The following AKNA variants were observed in gnomAD, a reference collection of about 807,000 sequenced individuals.
The protein encoded by AKNA is AT-hook transcription factor, also known as microtubule organization protein AKNA.
Under a neutral mutation model 138.8 loss-of-function variants are expected in AKNA, and 67 were observed. The ratio of observed to expected loss-of-function variants is 0.48; its 90% CI spans 0.40 to 0.59. The LOEUF (loss-of-function observed/expected upper bound fraction) is 0.59, where lower values mean the gene tolerates loss of function less well. Among genes scored for constraint, AKNA ranks in the 20% least tolerant of loss-of-function variants. AKNA has a pLI of 0.00. For missense variants in AKNA, 1,813 were observed against 1,880.4 expected (o/e 0.96, Z 0.66); for synonymous variants, 737 against 754.4 (o/e 0.98, Z 0.38).
chr9:114,377,095 C>T lies in AKNA; in HGVS notation c.712G>A (p.Gly238Ser). 6.2e-7 allele frequency: 1 copy of T among 1,614,124 alleles called. No homozygotes were observed. Among genetic ancestry groups the T allele is most frequent in the Non-Finnish European group, 8.5e-7 (1 of 1,179,994 alleles). The change falls in exon 3 of 22, where the codon GGC becomes AGC. Residue 238 changes from glycine (G) to serine (S), a missense_variant. By Grantham distance (56) the Gly-to-Ser change is moderately conservative. Coordinates refer to ENST00000374088, the MANE Select transcript of AKNA (RefSeq NM_001317950.2). ...PTALAETLPE[G>S]PSHHLLSPDG... ...GGGCTTAGGAGGTGGTGGCTGGGGCCCTCTGGCAAGGTTTCTGCCAGGGCA... is the reference window on the plus strand; with the variant it reads ...GGGCTTAGGAGGTGGTGGCTGGGGCTCTCTGGCAAGGTTTCTGCCAGGGCA...
chr9:114,370,347 C>G (rs571666287), intron 4 of AKNA, among the ~76,000 whole-genome samples: 2 of 152,342 alleles, frequency 1.3e-5, no homozygotes, highest in African/African-American at 4.8e-5. Context: ...GAGGCCCAGC[C>G]CTCTGACATG....
At position 114,367,534 on chromosome 9, in the gene AKNA, T is replaced by C. The variant is rs1470679236; in HGVS notation, c.1728+9A>G. ...AGTCTCTCGGGGGCAAAGCTGGGAG[T>C]CCACTCACCTTGGCCAGGAACTGGC... is the stretch of plus-strand genomic sequence containing the variant. On this transcript the variant is annotated intron_variant, in intron 6 of 21. Coordinates refer to ENST00000374088, the MANE Select transcript of AKNA (RefSeq NM_001317950.2). 1.6e-5 allele frequency: 26 copies of C among 1,611,902 alleles called. No homozygotes were observed. Among genetic ancestry groups the C allele is most frequent in the Non-Finnish European group, 2.2e-5 (26 of 1,179,716 alleles).
downstream of AKNA, chr9:114,330,678 C>G: frequency 6.2e-7 from 1 of 1,600,278 alleles, no homozygotes; most frequent in Non-Finnish European, 8.6e-7. Context: ...TGGGTGGAAC[C>G]GGGAGGGTTG....
chr9:114,361,185 C>T (rs1213295015), intron 9 of AKNA, among the ~76,000 whole-genome samples: 1 of 152,216 alleles, frequency 6.6e-6, no homozygotes, highest in Non-Finnish European at 1.5e-5. Context: ...CCCTGCCTGC[C>T]TCTCCAGCCA....
chr9:114,377,586 G>T, intron 2 of AKNA, 54 bp from the exon 3 acceptor site: 1 of 1,494,530 alleles, frequency 6.7e-7, no homozygotes, highest in Non-Finnish European at 9.0e-7. Flanking sequence ...CACCCACCTT[G>T]TAACTTACCC....
At chr9:114,395,942 C>A (rs568446473), upstream of AKNA, among the ~76,000 whole-genome samples, 44 of 152,240 alleles carry the variant, frequency 2.9e-4, no homozygotes, top group South Asian at 9.1e-3. Context: ...AGTAAGGATG[C>A]GCTAACACCA....
intron 7 of AKNA, 80 bp downstream of exon 7, chr9:114,364,480 A>G: frequency 1.4e-6 from 2 of 1,468,426 alleles, no homozygotes; most frequent in Non-Finnish European, 1.9e-6. Context: ...GTCTTGCAGC[A>G]AAGAAGGCTT....
chr9:114,378,466 T>C (rs1322304708), intron 2 of AKNA, among the ~76,000 whole-genome samples: 1 of 152,208 alleles, frequency 6.6e-6, no homozygotes, highest in Non-Finnish European at 1.5e-5. Context: ...GCAAGTTCTA[T>C]GAAGCCAAGG....
chr9:114,346,542 C>T, intron 17 of AKNA, 127 bp downstream of exon 17: 1 of 697,620 alleles, frequency 1.4e-6, no homozygotes, highest in Non-Finnish European at 2.3e-6. Context: ...ACTATAATAT[C>T]CTAAAACAGA....
chr9:114,382,080 A>G (rs1199406744), intron 1 of AKNA, among the ~76,000 whole-genome samples: 7 of 152,338 alleles, frequency 4.6e-5, no homozygotes, highest in Admixed American at 2.6e-4. Flanking sequence ...CATGGGGCAC[A>G]GGCCCTGCTC....
chr9:114,366,709 GAGAGA>G (rs1320861059), intron 6 of AKNA, among the ~76,000 whole-genome samples: 7 of 150,178 alleles, frequency 4.7e-5, no homozygotes, highest in Non-Finnish European at 1.0e-4. Flanking sequence ...GGGAGGGGAG[GAGAGA>G]AGAGAAGAGG....
chr9:114,365,026 T>C (rs989702916), intron 6 of AKNA, among the ~76,000 whole-genome samples: 1 of 152,180 alleles, frequency 6.6e-6, no homozygotes, highest in Admixed American at 6.5e-5. Context: ...TATTTTTCAG[T>C]GTCAAATCAA....
Position 114,351,118 on chromosome 9 carries a change from G to A in AKNA, c.3059-97C>T, listed in dbSNP as rs563425859. The A allele has an allele frequency of 9.4e-4, 1,215 of 1,288,492 alleles. 1 individual carries two copies. Among genetic ancestry groups the A allele is most frequent in the East Asian group, 1.5e-3 (59 of 39,650 alleles). 79.8% of individuals were successfully genotyped at this position (1,288,492 alleles called of 1,614,324 possible). A position where few individuals can be genotyped will look rare whatever the true frequency, so the allele number is the denominator to read the frequency against. On this transcript the variant is annotated intron_variant, in intron 14 of 21. Transcript: ENST00000374088. Reference sequence around the variant, plus strand: ...GGAATGATGGGGGAAGTGAAGAGACGGTGCCTAGTTCAAGGTCACAAAGGA... The same window carrying A: ...GGAATGATGGGGGAAGTGAAGAGACAGTGCCTAGTTCAAGGTCACAAAGGA...
intron 1 of AKNA, among the ~76,000 whole-genome samples, chr9:114,384,553 A>G (rs1349166248): frequency 2.0e-5 from 3 of 152,192 alleles, no homozygotes; most frequent in African/African-American, 7.2e-5. Context: ...CTCCTCCTCA[A>G]TGTGAAGATG....
intron 7 of AKNA, among the ~76,000 whole-genome samples, chr9:114,363,612 G>T (rs1832128037): frequency 1.3e-5 from 2 of 152,132 alleles, no homozygotes; most frequent in South Asian, 4.1e-4. Context: ...TAGGTGTTTT[G>T]AATTTGCCTC....
upstream of AKNA, among the ~76,000 whole-genome samples, chr9:114,396,070 T>A (rs538480272): frequency 6.6e-6 from 1 of 152,214 alleles, no homozygotes; most frequent in African/African-American, 2.4e-5. Context: ...ACTGATATAA[T>A]CTAGATGATC....
intron 2 of AKNA, 79 bp downstream of exon 2, chr9:114,380,981 C>CAGAAAAAAAAAAAAAAAAAAAAAAAAAA (rs1346229782): frequency 3.2e-6 from 3 of 949,986 alleles, no homozygotes; most frequent in African/African-American, 6.3e-5. Context: ...GACTCTGTCT[C>CAGAAAAAAAAAAAAAAAAAAAAAAAAAA]AAAAAAAAAA....
chr9:114,374,424 C>T (rs1455237828), intron 3 of AKNA, among the ~76,000 whole-genome samples: 1 of 152,234 alleles, frequency 6.6e-6, no homozygotes, highest in Non-Finnish European at 1.5e-5. Context: ...CTGAGGGCCT[C>T]TGGCTGGTTT....
downstream of AKNA, chr9:114,331,993 C>A: frequency 2.1e-6 from 3 of 1,443,010 alleles, no homozygotes; most frequent in Non-Finnish European, 2.9e-6. Flanking sequence ...GCCCCAGAGG[C>A]CCAGAGCAGG....
Sources: allele counts gnomAD v4.1 joint callset (sites outside exome capture counted in the v4.1 genomes callset), GRCh38; gene constraint gnomAD v4.1.1; transcripts MANE v1.5; gene names NCBI Gene and HGNC (gene_info 2026-07-23, HGNC 2026-07-21).